RORA: variants seen among roughly 807,000 people sequenced by gnomAD.
RORA encodes nuclear receptor ROR-alpha.
In RORA, 7 loss-of-function variants were observed where a neutral mutation model predicts 69.5. That is an observed-to-expected ratio of 0.10 (90% CI 0.06 to 0.19). The LOEUF (loss-of-function observed/expected upper bound fraction) is 0.19, where lower values mean the gene tolerates loss of function less well. RORA is among the 10% of genes least tolerant of loss of function. The pLI is 1.00. For missense variants in RORA, 457 were observed against 663.0 expected (o/e 0.69, Z 3.41); for synonymous variants, 261 against 240.8 (o/e 1.08, Z -0.78).
intron 1 of RORA, among the ~76,000 whole-genome samples, chr15:61,077,816 T>C (rs1419401433): frequency 6.6e-6 from 1 of 152,258 alleles, no homozygotes; most frequent in African/African-American, 2.4e-5. Flanking sequence ...TTTTTTCAAC[T>C]ACCTTACAAA....
At chr15:60,558,187 G>A (rs779860244) in intron 2 of RORA, 1 of 1,423,512 alleles carries the variant, frequency 7.0e-7, no homozygotes, top group Admixed American at 1.7e-5. Context: ...ATGGTCTCTG[G>A]ATGGAGGACA....
intron 1 of RORA, among the ~76,000 whole-genome samples, chr15:60,943,529 T>C (rs1892764964): frequency 6.6e-6 from 1 of 152,152 alleles, no homozygotes; most frequent in South Asian, 2.1e-4. Flanking sequence ...CTAATGAGCA[T>C]AAGACAGAAG....
At chr15:60,908,146 T>A (rs1243869371) in intron 1 of RORA, among the ~76,000 whole-genome samples, 1 of 152,214 alleles carries the variant, frequency 6.6e-6, no homozygotes, top group African/African-American at 2.4e-5. Context: ...AGTTTATAGT[T>A]GATCCATGCT....
intron 1 of RORA, among the ~76,000 whole-genome samples, chr15:61,044,375 G>A (rs1484216355): frequency 2.0e-5 from 3 of 152,114 alleles, no homozygotes; most frequent in South Asian, 2.1e-4. Flanking sequence ...CTGCCGAGTC[G>A]CCCTGTGATG....
At chr15:61,031,046 AT>A (rs1896143685) in intron 1 of RORA, among the ~76,000 whole-genome samples, 1 of 152,216 alleles carries the variant, frequency 6.6e-6, no homozygotes. Context: ...AACAGTTGAC[AT>A]CAGTAACTGT....
At chr15:60,525,055 TAACAAC>T (rs138419013) in intron 3 of RORA, among the ~76,000 whole-genome samples, 1 of 151,818 alleles carries the variant, frequency 6.6e-6, no homozygotes, top group Admixed American at 6.6e-5. Flanking sequence ...GCCGACTGAA[TAACAAC>T]AACAACAACA....
At chr15:61,154,797 T>C (rs1323597117) in intron 1 of RORA, among the ~76,000 whole-genome samples, 1 of 152,046 alleles carries the variant, frequency 6.6e-6, no homozygotes, top group Non-Finnish European at 1.5e-5. Context: ...GAAATGTTAT[T>C]AGGGCAGTTG....
chr15:61,029,913 T>A (rs1896058277), intron 1 of RORA, among the ~76,000 whole-genome samples: 1 of 152,036 alleles, frequency 6.6e-6, no homozygotes, highest in African/African-American at 2.4e-5. Flanking sequence ...GAGATGGGGA[T>A]CTGTGGCTCA....
At chr15:60,745,961 A>G (rs2071642685) in intron 1 of RORA, among the ~76,000 whole-genome samples, 1 of 152,170 alleles carries the variant, frequency 6.6e-6, no homozygotes, top group Non-Finnish European at 1.5e-5. Flanking sequence ...AAAAATGTCT[A>G]CTACCCCTCA....
chr15:60,749,930 T>C (rs904645356), intron 1 of RORA, among the ~76,000 whole-genome samples: 2 of 152,104 alleles, frequency 1.3e-5, no homozygotes, highest in African/African-American at 4.8e-5. Flanking sequence ...CTCAGGAGGC[T>C]GAGGTGGAAG....
chr15:60,561,662 G>C (rs563086747), intron 2 of RORA, among the ~76,000 whole-genome samples: 1 of 152,006 alleles, frequency 6.6e-6, no homozygotes, highest in Non-Finnish European at 1.5e-5. Context: ...TTGTTAAAGG[G>C]TCAAGAACTA....
intron 1 of RORA, among the ~76,000 whole-genome samples, chr15:61,071,678 G>A (rs1389052285): frequency 1.1e-5 from 1 of 91,838 alleles, no homozygotes; most frequent in Non-Finnish European, 2.2e-5. Context: ...GAGGGGAGAG[G>A]GGGGAGAGGG....
At chr15:60,529,773 G>A (rs2066474115) in intron 3 of RORA, 1 of 152,202 alleles carries the variant, frequency 6.6e-6, no homozygotes, top group South Asian at 2.1e-4. Context: ...TCAATAGCAT[G>A]TTGTTAATTA....
intron 1 of RORA, among the ~76,000 whole-genome samples, chr15:60,734,938 A>C (rs1349732092): frequency 6.6e-6 from 1 of 152,230 alleles, no homozygotes; most frequent in African/African-American, 2.4e-5. Flanking sequence ...ATTTGCACTC[A>C]GACTTGACTT....
chr15:61,070,938 A>G (rs2078333128), intron 1 of RORA, among the ~76,000 whole-genome samples: 1 of 151,936 alleles, frequency 6.6e-6, no homozygotes, highest in South Asian at 2.1e-4. Flanking sequence ...GACTTTAAGA[A>G]CATAAGCGGT....
chr15:60,581,423 T>C (rs2068191544), intron 2 of RORA, among the ~76,000 whole-genome samples: 1 of 152,242 alleles, frequency 6.6e-6, no homozygotes, highest in Non-Finnish European at 1.5e-5. Flanking sequence ...TTAAACAATA[T>C]CATTTTCAAA....
intron 1 of RORA, among the ~76,000 whole-genome samples, chr15:60,717,565 T>C (rs1332108743): frequency 6.6e-6 from 1 of 152,178 alleles, no homozygotes; most frequent in Non-Finnish European, 1.5e-5. Flanking sequence ...TTATAAAACC[T>C]TTATCATGTT....
At chr15:60,947,695 A>AAAAAAAAAAAAAAAAAAAAG in intron 1 of RORA, among the ~76,000 whole-genome samples, 1 of 111,084 alleles carries the variant, frequency 9.0e-6, no homozygotes, top group Non-Finnish European at 2.4e-5. Context: ...CAATAAAAAA[A>AAAAAAAAAAAAAAAAAAAAG]AAAAAAAAAA....
chr15:61,042,623 G>C (rs1896834033), intron 1 of RORA, among the ~76,000 whole-genome samples: 1 of 152,174 alleles, frequency 6.6e-6, no homozygotes. Context: ...ATTAATTTGT[G>C]CTTAGCTGGC....
Sources: gnomAD v4.1 joint callset for allele counts (sites outside exome capture counted in the v4.1 genomes callset) on GRCh38, gnomAD v4.1.1 for gene constraint, MANE v1.5 for transcripts, NCBI Gene and HGNC (gene_info 2026-07-23, HGNC 2026-07-21) for gene names.